TRIM24: variants seen among roughly 807,000 people sequenced by gnomAD.
TRIM24 encodes transcription intermediary factor 1-alpha.
TRIM24 carries 29 observed loss-of-function variants against 123.9 expected under a neutral mutation model. The observed-to-expected ratio is 0.23, with a 90% confidence interval of 0.17 to 0.32. The LOEUF (loss-of-function observed/expected upper bound fraction) is 0.32. TRIM24 is among the 10% of genes least tolerant of loss of function. The probability of loss-of-function intolerance (pLI) is 1.00; values close to 1 mark genes in which losing one functional copy is unlikely to be tolerated. For missense variants in TRIM24, 932 were observed against 1,295.3 expected (o/e 0.72, Z 4.31); for synonymous variants, 456 against 461.1 (o/e 0.99, Z 0.14).
intron 1 of TRIM24, among the ~76,000 whole-genome samples, chr7:138,483,746 T>G (rs1795583480): frequency 6.6e-6 from 1 of 152,216 alleles, no homozygotes; most frequent in Non-Finnish European, 1.5e-5. Flanking sequence ...AAACAGGGAC[T>G]GTGGGAGGTA....
At chr7:138,558,259 A>T (rs1797356024) in intron 9 of TRIM24, among the ~76,000 whole-genome samples, 1 of 152,128 alleles carries the variant, frequency 6.6e-6, no homozygotes, top group African/African-American at 2.4e-5. Context: ...ATCCTGCCCC[A>T]CCATAAAGTC....
At chr7:138,565,389 A>G (rs1472784380) in intron 9 of TRIM24, among the ~76,000 whole-genome samples, 1 of 151,802 alleles carries the variant, frequency 6.6e-6, no homozygotes, top group East Asian at 1.9e-4. Flanking sequence ...AAACCTTACC[A>G]CAATCCTGTA....
chr7:138,485,670 C>T (rs1027431735), intron 1 of TRIM24, among the ~76,000 whole-genome samples: 2 of 152,170 alleles, frequency 1.3e-5, no homozygotes, highest in African/African-American at 4.8e-5. Flanking sequence ...AGGACATGAA[C>T]TCATCCTTTT....
chr7:138,579,408 G>A lies in TRIM24; in HGVS notation c.2461G>A (p.Glu821Lys). ...TCTTCATGTTGGAGAGACAAGGAAA[G>A]AGGATGACCCCAATGAGGACTGGTG... ...SPLHVGETRKEDDPNEDWCAV... is the reference protein window; with the variant it reads ...SPLHVGETRKKDDPNEDWCAV... The change falls in exon 15 of 19, where the codon GAG becomes AAG. Residue 821 changes from glutamate (E) to lysine (K), a missense_variant. This residue lies in a region of TRIM24 where 527 missense variants were observed against 691.3 expected (regional missense o/e 0.76). Coordinates refer to ENST00000343526, the MANE Select transcript of TRIM24 (RefSeq NM_015905.3). 6.2e-7 allele frequency: 1 copy of A among 1,614,156 alleles called. No individual in the cohort carries two copies. Among genetic ancestry groups the A allele is most frequent in the Non-Finnish European group, 8.5e-7 (1 of 1,180,022 alleles).
chr7:138,516,808 G>GTTTTTTTTTTT (rs1224612357), intron 3 of TRIM24, among the ~76,000 whole-genome samples: 3 of 131,902 alleles, frequency 2.3e-5, no homozygotes, highest in African/African-American at 8.7e-5. Context: ...TAGCAAAACC[G>GTTTTTTTTTTT]TTTTGTTTTT....
intron 2 of TRIM24, among the ~76,000 whole-genome samples, chr7:138,510,256 G>A (rs919288780): frequency 6.6e-5 from 10 of 152,218 alleles, no homozygotes; most frequent in African/African-American, 2.4e-4. Flanking sequence ...AAGCATAAAT[G>A]TTGCTTGCAG....
intron 6 of TRIM24, among the ~76,000 whole-genome samples, chr7:138,534,419 GTTC>G (rs1796819975): frequency 6.6e-6 from 1 of 152,150 alleles, no homozygotes. Context: ...TTGTGTCTTT[GTTC>G]TTATTGGTTG....
chr7:138,516,812 TG>T lies in TRIM24; in HGVS notation c.631+1454del, dbSNP rs1404675017. ...GTATCAAAATGTAGCAAAACCGTTT[TG>T]TTTTTTTTTTTTTTTTGAGACTAGT... On this transcript the variant is annotated intron_variant, in intron 3 of 18. Transcript: ENST00000343526. 7.4e-3 allele frequency among the ~76,000 whole-genome samples: 983 copies of T among 133,470 alleles called. 5 individuals carry two copies. Among genetic ancestry groups the T allele is most frequent in the Non-Finnish European group, 9.8e-3 (613 of 62,756 alleles). 87.6% of individuals were successfully genotyped at this position (133,470 alleles called of 152,430 possible).
intron 14 of TRIM24, among the ~76,000 whole-genome samples, 190 bp downstream of exon 14, chr7:138,577,778 G>A (rs1797792976): frequency 6.6e-6 from 1 of 151,986 alleles, no homozygotes; most frequent in South Asian, 2.1e-4. Flanking sequence ...AAAATCAGAG[G>A]CTCAGATATG....
At chr7:138,575,951 T>C (rs1797748795) in intron 12 of TRIM24, among the ~76,000 whole-genome samples, 1 of 152,212 alleles carries the variant, frequency 6.6e-6, no homozygotes, top group Non-Finnish European at 1.5e-5. Context: ...CGTTGTCTTC[T>C]GTAGCTTCCA....
chr7:138,462,614 A>G (rs1795027300), intron 1 of TRIM24, among the ~76,000 whole-genome samples: 1 of 151,908 alleles, frequency 6.6e-6, no homozygotes, highest in Non-Finnish European at 1.5e-5. Flanking sequence ...TGCTGGGATT[A>G]CAGGCGTGAG....
chr7:138,480,195 G>A (rs1033465027), intron 1 of TRIM24, among the ~76,000 whole-genome samples: 1 of 152,078 alleles, frequency 6.6e-6, no homozygotes, highest in African/African-American at 2.4e-5. Flanking sequence ...AACTCCTGAG[G>A]TCAAGCAGTC....
Position 138,586,806 on chromosome 7 carries a change from A to G in TRIM24, c.*1855A>G, listed in dbSNP as rs1392564711. The G allele has an allele frequency of 6.6e-6, 1 of 152,210 alleles. No individual in the cohort carries two copies. Among genetic ancestry groups the G allele is most frequent in the Admixed American group, 6.5e-5 (1 of 15,276 alleles). 9.4% of individuals were successfully genotyped at this position (152,210 alleles called of 1,614,324 possible). ...TGTTCGTCTGACAGTTTATTCTTCC[A>G]TACTTGTCTCCCAAGTTAAAACAGA... is the stretch of plus-strand genomic sequence containing the variant. On this transcript the variant is annotated 3_prime_UTR_variant, in exon 19 of 19. Coordinates refer to ENST00000343526, the MANE Select transcript of TRIM24 (RefSeq NM_015905.3).
intron 4 of TRIM24, among the ~76,000 whole-genome samples, 179 bp downstream of exon 4, chr7:138,519,500 T>C (rs1354379851): frequency 6.6e-6 from 1 of 152,194 alleles, no homozygotes; most frequent in Non-Finnish European, 1.5e-5. Context: ...AGGTAATTCT[T>C]TATTGTTGAG....
chr7:138,470,531 G>A (rs955415659), intron 1 of TRIM24, among the ~76,000 whole-genome samples: 1 of 152,160 alleles, frequency 6.6e-6, no homozygotes, highest in African/African-American at 2.4e-5. Context: ...CCATTACCAG[G>A]CCTCTGGCAT....
intron 1 of TRIM24, among the ~76,000 whole-genome samples, chr7:138,493,306 T>C (rs1795835459): frequency 6.6e-6 from 1 of 152,202 alleles, no homozygotes; most frequent in Admixed American, 6.5e-5. Context: ...GATTTATAAT[T>C]CGTTTGTTGA....
intron 3 of TRIM24, among the ~76,000 whole-genome samples, chr7:138,516,697 A>T (rs1796403381): frequency 6.6e-6 from 1 of 152,176 alleles, no homozygotes. Context: ...TAGATACTTC[A>T]CGCAAGTGGA....
At chr7:138,501,985 A>G (rs1338793531) in intron 1 of TRIM24, among the ~76,000 whole-genome samples, 1 of 151,962 alleles carries the variant, frequency 6.6e-6, no homozygotes, top group African/African-American at 2.4e-5. Flanking sequence ...TCTAGTACTG[A>G]AAAAAAAGGT....
intron 16 of TRIM24, among the ~76,000 whole-genome samples, chr7:138,580,982 T>C (rs1797883662): frequency 6.6e-6 from 1 of 152,222 alleles, no homozygotes; most frequent in Admixed American, 6.5e-5. Context: ...TTTTGTTTTA[T>C]TTCCTACTAT....
Sources: allele counts gnomAD v4.1 joint callset (sites outside exome capture counted in the v4.1 genomes callset), GRCh38; gene constraint gnomAD v4.1.1; regional missense constraint gnomAD v4.1.1; transcripts MANE v1.5; gene names NCBI Gene and HGNC (gene_info 2026-07-23, HGNC 2026-07-21).